TRIP13: variants seen among roughly 807,000 people sequenced by gnomAD.
TRIP13 encodes the protein thyroid hormone receptor interactor 13, also known as pachytene checkpoint protein 2 homolog.
In TRIP13, 25 loss-of-function variants were observed where a neutral mutation model predicts 54.4. The ratio of observed to expected loss-of-function variants is 0.46; its 90% CI spans 0.33 to 0.64. The LOEUF is 0.64. TRIP13 is among the 30% of genes least tolerant of loss of function. The probability of loss-of-function intolerance (pLI) is 0.02; values close to 1 mark genes in which losing one functional copy is unlikely to be tolerated. For missense variants in TRIP13, 373 were observed against 534.2 expected (o/e 0.70, Z 2.97); for synonymous variants, 207 against 207.8 (o/e 1.00, Z 0.03).
chr5:915,582 C>T lies in TRIP13; in HGVS notation c.1134-322C>T, dbSNP rs2150692674. Among the ~76,000 whole-genome samples the T allele has an allele frequency of 6.6e-6, 1 of 151,480 alleles. No individual in the cohort carries two copies. Among genetic ancestry groups the T allele is most frequent in the South Asian group, 2.1e-4 (1 of 4,794 alleles). On this transcript the variant is annotated intron_variant, in intron 11 of 12. Coordinates refer to ENST00000166345, the MANE Select transcript of TRIP13 (RefSeq NM_004237.4). The surrounding 1 kb of genome is among the most constrained non-coding windows in gnomAD (Gnocchi z 4.2). ...AGGCTCCCGGGCAGGTGATGCCTTC[C>T]CTGAGCACAAGGATGCTGGCCCTGG...
rs1247009239 is a variant in TRIP13, at chr5:917,991, A to T, written c.*888A>T. 3 of 152,266 alleles carry T rather than the reference A, an allele frequency of 2.0e-5. No homozygotes were observed. Among genetic ancestry groups the T allele is most frequent in the Non-Finnish European group, 4.4e-5 (3 of 68,050 alleles). The allele number at this position is 152,266 out of a possible 1,614,324, so 9.4% of individuals were successfully genotyped here. A position where few individuals can be genotyped will look rare whatever the true frequency, so the allele number is the denominator to read the frequency against. On this transcript the variant is annotated 3_prime_UTR_variant, in exon 13 of 13. Transcript: ENST00000166345. ...ATGTGAAATTCACTTTTGAAAGAAC[A>T]TGTTACCTTACCTTTTGTTTTAGAA...
At chr5:895,997 TAATAAC>T (rs953370889) in intron 2 of TRIP13, among the ~76,000 whole-genome samples, 61 of 152,326 alleles carry the variant, frequency 4.0e-4, no homozygotes, top group African/African-American at 1.4e-3. Flanking sequence ...TTCTCTGAGT[TAATAAC>T]AAATGTAAAA....
rs1489595616 is a variant in TRIP13, at chr5:915,287, T to G, written c.1134-617T>G. Among the ~76,000 whole-genome samples, 1 of 152,248 alleles carries G rather than the reference T, an allele frequency of 6.6e-6. No homozygotes were observed. Among genetic ancestry groups the G allele is most frequent in the Admixed American group, 6.5e-5 (1 of 15,290 alleles). On this transcript the variant is annotated intron_variant, in intron 11 of 12. Coordinates refer to ENST00000166345, the MANE Select transcript of TRIP13 (RefSeq NM_004237.4). This position sits in a 1 kb window ranked among gnomAD's most constrained non-coding sequence, Gnocchi z 4.2. ...GTGAACCCACCCATTATTTGGGGACTCTGTGCCTACTGACCATGTGCCCGC... is the reference window on the plus strand; with the variant it reads ...GTGAACCCACCCATTATTTGGGGACGCTGTGCCTACTGACCATGTGCCCGC...
At chr5:918,506 T>G (rs370717679), downstream of TRIP13, among the ~76,000 whole-genome samples, 84 of 152,298 alleles carry the variant, frequency 5.5e-4, no homozygotes, top group African/African-American at 1.8e-3. This position sits in a 1 kb window ranked among gnomAD's most constrained non-coding sequence, Gnocchi z 4.3. Context: ...AGAAACAATT[T>G]GAGCTTTTTA....
rs1754320934 is a variant in TRIP13 at position 915,305 on chromosome 5, G to A, written c.1134-599G>A. 6.6e-6 allele frequency among the ~76,000 whole-genome samples: 1 copy of A among 152,256 alleles called. No individual in the cohort carries two copies. Among genetic ancestry groups the A allele is most frequent in the Admixed American group, 6.5e-5 (1 of 15,284 alleles). On this transcript the variant is annotated intron_variant, in intron 11 of 12. Coordinates refer to ENST00000166345, the MANE Select transcript of TRIP13 (RefSeq NM_004237.4). This position sits in a 1 kb window ranked among gnomAD's most constrained non-coding sequence, Gnocchi z 4.2. ...TGGGGACTCTGTGCCTACTGACCAT[G>A]TGCCCGCTGCATCGTGCCTTACGCC... is the stretch of plus-strand genomic sequence containing the variant.
At chr5:905,786 A>G (rs1470087302) in intron 6 of TRIP13, among the ~76,000 whole-genome samples, 1 of 152,214 alleles carries the variant, frequency 6.6e-6, no homozygotes, top group East Asian at 1.9e-4. Flanking sequence ...TTAATTTCGT[A>G]TACATAATTT....
At chr5:900,352 T>G (rs983854499) in intron 3 of TRIP13, 142 bp from the exon 4 acceptor site, 2 of 793,996 alleles carry the variant, frequency 2.5e-6, no homozygotes, top group African/African-American at 3.6e-5. Context: ...TTGCAGAATT[T>G]ATACTTTCCT....
intron 5 of TRIP13, among the ~76,000 whole-genome samples, chr5:902,295 A>C (rs1232261910): frequency 6.6e-6 from 1 of 152,214 alleles, no homozygotes; most frequent in Non-Finnish European, 1.5e-5. Context: ...AGAAGCTTGA[A>C]GGGTACTTGG....
intron 3 of TRIP13, among the ~76,000 whole-genome samples, chr5:897,147 T>G (rs1753934988): frequency 6.6e-6 from 1 of 151,744 alleles, no homozygotes; most frequent in Non-Finnish European, 1.5e-5. Flanking sequence ...ACGGCTTCAT[T>G]CAGTCAGTGT....
rs140776088 is a variant in TRIP13 at position 912,640 on chromosome 5, CAT to C, written c.1020+645_1020+646del. Among the ~76,000 whole-genome samples, 889 of 148,672 alleles carry C rather than the reference CAT, an allele frequency of 6.0e-3. 7 individuals are homozygous for C. Among genetic ancestry groups the C allele is most frequent in the African/African-American group, 0.021 (841 of 40,152 alleles). On this transcript the variant is annotated intron_variant, in intron 10 of 12. Coordinates refer to ENST00000166345, the MANE Select transcript of TRIP13 (RefSeq NM_004237.4). This position sits in a 1 kb window ranked among gnomAD's most constrained non-coding sequence, Gnocchi z 7.2. ...AGGGCCGTCGCCACGGGCACAATGA[CAT>C]GTGCGGTGAGTGTGAGTCAGTAAGG...
intron 3 of TRIP13, among the ~76,000 whole-genome samples, chr5:897,058 G>A (rs1410019203): frequency 6.6e-6 from 1 of 152,204 alleles, no homozygotes; most frequent in Non-Finnish European, 1.5e-5. Context: ...TGCCTGCTTG[G>A]TCTGTCCTGC....
intron 2 of TRIP13, among the ~76,000 whole-genome samples, chr5:895,891 G>A (rs926152807): frequency 3.9e-5 from 6 of 152,190 alleles, no homozygotes; most frequent in African/African-American, 7.2e-5. Context: ...TCCACCAGAG[G>A]TCAGTTAATA....
At chr5:916,698 A>C (rs1754347461) in intron 12 of TRIP13, among the ~76,000 whole-genome samples, 2 of 152,154 alleles carry the variant, frequency 1.3e-5, no homozygotes, top group Non-Finnish European at 1.5e-5. Context: ...TCTGCTCCCT[A>C]CAGCTTCTCA....
At chr5:918,848 T>G (rs7727058), downstream of TRIP13, among the ~76,000 whole-genome samples, 12,355 of 152,138 alleles carry the variant, frequency 0.081, 728 homozygotes, top group African/African-American at 0.17. The surrounding 1 kb of genome is among the most constrained non-coding windows in gnomAD (Gnocchi z 4.3). Context: ...TATTGTAGCC[T>G]CACTGGCAGC....
chr5:919,235 C>T (rs1197948645), downstream of TRIP13: 1 of 152,192 alleles, frequency 6.6e-6, no homozygotes, highest in African/African-American at 2.4e-5. Context: ...TGGAGGTCAG[C>T]CTTGTGGAGC....
At position 917,050 on chromosome 5, in the gene TRIP13, C is replaced by G. The variant is rs1560952007; in HGVS notation, c.1246C>G (p.Leu416Val). ...AGAGGGGTTCCTCCAGGCCCTGTCT[C>G]TGGCAGTGGACAAGCAGTTTGAAGA... Reference protein sequence around the residue: ...TIEGFLQALSLAVDKQFEERK... With the variant: ...TIEGFLQALSVAVDKQFEERK... Residue 416 changes from leucine to valine, a missense_variant, in exon 13 of 13, where the codon CTG (leucine) becomes GTG (valine). By Grantham distance (32) the Leu-to-Val change is conservative. Around this residue, in one of 4 missense-constraint regions of TRIP13, gnomAD observed 101 missense variants for 138.5 expected, o/e 0.73. Transcript: ENST00000166345. The G allele has an allele frequency of 6.2e-7, 1 of 1,614,080 alleles. No homozygotes were observed. The highest frequency in any genetic ancestry group is 8.5e-7 in the Non-Finnish European group (1 of 1,180,044).
intron 2 of TRIP13, among the ~76,000 whole-genome samples, chr5:896,175 C>T (rs910463126): frequency 5.3e-5 from 8 of 152,066 alleles, no homozygotes; most frequent in African/African-American, 7.2e-5. Context: ...TTAGCCAGTG[C>T]GGTGGCGCAC....
chr5:902,205 G>T (rs183211941), intron 5 of TRIP13, among the ~76,000 whole-genome samples: 67 of 152,276 alleles, frequency 4.4e-4, no homozygotes, highest in African/African-American at 1.4e-3. Context: ...GTTTTGTTTT[G>T]TTGTCAATAT....
intron 1 of TRIP13, chr5:893,753 G>A (rs1019674524): frequency 6.5e-6 from 1 of 154,984 alleles, no homozygotes; most frequent in South Asian, 2.0e-4. Context: ...GGATGCAGAG[G>A]AAGAGACCTT....
Sources: allele counts gnomAD v4.1 joint callset (sites outside exome capture counted in the v4.1 genomes callset), GRCh38; gene constraint gnomAD v4.1.1; regional missense constraint gnomAD v4.1.1; non-coding constraint Gnocchi (gnomAD v3.1); transcripts MANE v1.5; gene names NCBI Gene and HGNC (gene_info 2026-07-23, HGNC 2026-07-21).